The following BANF2 variants were observed in gnomAD, a reference collection of about 807,000 sequenced individuals.
BANF2 encodes the protein BANF family member 2, also known as barrier-to-autointegration factor-like protein.
In BANF2, 4 loss-of-function variants were observed where a neutral mutation model predicts 8.0. The observed-to-expected ratio is 0.50, with a 90% CI of 0.25 to 1.14. BANF2 has a LOEUF of 1.14. Among genes scored for constraint, BANF2 ranks in the 50% most tolerant of loss-of-function variants. The pLI is 0.16. For synonymous variants in BANF2, 50 were observed against 40.6 expected (o/e 1.23, Z -0.88); for missense variants, 96 against 107.5 (o/e 0.89, Z 0.47).
At chr20:17,718,926 C>A (rs1407098470) in intron 1 of BANF2, among the ~76,000 whole-genome samples, 1 of 152,152 alleles carries the variant, frequency 6.6e-6, no homozygotes, top group Non-Finnish European at 1.5e-5. Flanking sequence ...AATACAAGAA[C>A]TTTTACAGGA....
rs1056445509 is a variant in BANF2 at position 17,735,603 on chromosome 20, C to T, written c.127-62C>T. On this transcript the variant is annotated intron_variant, in intron 3 of 3. Coordinates refer to ENST00000246090, the MANE Select transcript of BANF2 (RefSeq NM_178477.5). Reference sequence around the variant, plus strand: ...AGCCCTGGTTGCTGGGAAGGAAGAGCGCGTCTGAGCTGGCTTATGATAACC... The same window carrying T: ...AGCCCTGGTTGCTGGGAAGGAAGAGTGCGTCTGAGCTGGCTTATGATAACC... The T allele has an allele frequency of 9.8e-6, 15 of 1,533,628 alleles. No homozygotes were observed. The African/African-American group carries it at 1.5e-4, about 15-fold the overall frequency.
intron 1 of BANF2, among the ~76,000 whole-genome samples, chr20:17,713,346 C>T (rs1376740526): frequency 2.0e-5 from 3 of 152,110 alleles, no homozygotes; most frequent in Admixed American, 2.0e-4. Context: ...CACCAAAAGA[C>T]AACCCCTGTG....
At chr20:17,730,749 G>A (rs2037882544) in intron 3 of BANF2, among the ~76,000 whole-genome samples, 1 of 152,184 alleles carries the variant, frequency 6.6e-6, no homozygotes, top group Non-Finnish European at 1.5e-5. Context: ...GCCTCTGAAG[G>A]CTCCAACTCC....
intron 3 of BANF2, among the ~76,000 whole-genome samples, chr20:17,733,378 G>A (rs532982468): frequency 6.6e-6 from 1 of 152,326 alleles, no homozygotes; most frequent in South Asian, 2.1e-4. Context: ...GCACGTGGCC[G>A]ACAGAAGTGC....
At chr20:17,717,230 G>A (rs912861051) in intron 1 of BANF2, among the ~76,000 whole-genome samples, 1 of 152,108 alleles carries the variant, frequency 6.6e-6, no homozygotes, top group Non-Finnish European at 1.5e-5. Context: ...CGAAGGCACA[G>A]CAGGCATCCA....
At chr20:17,700,695 C>A (rs1270657993) in intron 1 of BANF2, among the ~76,000 whole-genome samples, 1 of 152,150 alleles carries the variant, frequency 6.6e-6, no homozygotes, top group African/African-American at 2.4e-5. Context: ...GTAGCGGGGA[C>A]AGGGACAGAG....
At chr20:17,726,724 C>A (rs2037814068) in intron 3 of BANF2, among the ~76,000 whole-genome samples, 1 of 152,200 alleles carries the variant, frequency 6.6e-6, no homozygotes, top group South Asian at 2.1e-4. Flanking sequence ...TAGAGGTAAC[C>A]ACTCTTCTGA....
chr20:17,695,806 G>T (rs1418840044), upstream of BANF2, among the ~76,000 whole-genome samples: 1 of 152,070 alleles, frequency 6.6e-6, no homozygotes, highest in Non-Finnish European at 1.5e-5. Context: ...TCATCCCATG[G>T]AGTTACCTGT....
chr20:17,710,568 C>T (rs2037554659), intron 1 of BANF2, among the ~76,000 whole-genome samples: 1 of 152,188 alleles, frequency 6.6e-6, no homozygotes, highest in South Asian at 2.1e-4. Flanking sequence ...GCCTGTGATC[C>T]TTATTCTGTT....
At chr20:17,714,851 C>T (rs1449318732) in intron 1 of BANF2, among the ~76,000 whole-genome samples, 1 of 152,082 alleles carries the variant, frequency 6.6e-6, no homozygotes, top group Non-Finnish European at 1.5e-5. Context: ...CAGTTCAGGC[C>T]AGCATTTGCT....
At chr20:17,732,715 G>A (rs1180938087) in intron 3 of BANF2, among the ~76,000 whole-genome samples, 2 of 152,166 alleles carry the variant, frequency 1.3e-5, no homozygotes, top group East Asian at 1.9e-4. Context: ...CCATGGCCAC[G>A]GCCACTGTCC....
At chr20:17,733,603 A>G (rs1013437168) in intron 3 of BANF2, among the ~76,000 whole-genome samples, 1 of 152,316 alleles carries the variant, frequency 6.6e-6, no homozygotes. Context: ...AACACTTAAT[A>G]AATGTTATTT....
intron 1 of BANF2, among the ~76,000 whole-genome samples, chr20:17,701,024 G>A (rs1259495846): frequency 6.6e-6 from 1 of 152,174 alleles, no homozygotes; most frequent in Admixed American, 6.5e-5. Flanking sequence ...AAGGTAGAAA[G>A]GGAGGTGGTG....
intron 1 of BANF2, among the ~76,000 whole-genome samples, chr20:17,694,475 G>A (rs1003335290): frequency 2.6e-5 from 4 of 152,084 alleles, no homozygotes; most frequent in African/African-American, 9.7e-5. Context: ...TAGTGCTCAT[G>A]AGCAAGGAGT....
At chr20:17,698,476 C>T (rs1049744082), upstream of BANF2, among the ~76,000 whole-genome samples, 3 of 152,228 alleles carry the variant, frequency 2.0e-5, no homozygotes, top group Admixed American at 1.3e-4. Flanking sequence ...TAGGCACCTA[C>T]GGGTGGGTCC....
chr20:17,714,445 C>T (rs1208397176), intron 1 of BANF2, among the ~76,000 whole-genome samples: 1 of 152,216 alleles, frequency 6.6e-6, no homozygotes, highest in Non-Finnish European at 1.5e-5. Context: ...CACTATCAGA[C>T]AAGTATGTCC....
At chr20:17,725,721 A>AT (rs2037799162) in intron 3 of BANF2, among the ~76,000 whole-genome samples, 1 of 152,204 alleles carries the variant, frequency 6.6e-6, no homozygotes, top group Admixed American at 6.5e-5. Flanking sequence ...GGGCCTCAGG[A>AT]GAGGATGAGA....
intron 1 of BANF2, among the ~76,000 whole-genome samples, chr20:17,705,281 T>TA (rs2037466658): frequency 6.6e-6 from 1 of 152,192 alleles, no homozygotes; most frequent in Admixed American, 6.5e-5. Context: ...GTTAGAAAGC[T>TA]AAAAAATTGT....
intron 1 of BANF2, among the ~76,000 whole-genome samples, chr20:17,707,135 G>A (rs1010905314): frequency 6.6e-6 from 1 of 152,062 alleles, no homozygotes; most frequent in Non-Finnish European, 1.5e-5. Context: ...TGTAATCCCA[G>A]CACTTTGGGA....
Sources: gnomAD v4.1 joint callset for allele counts (sites outside exome capture counted in the v4.1 genomes callset) on GRCh38, gnomAD v4.1.1 for gene constraint, MANE v1.5 for transcripts, NCBI Gene and HGNC (gene_info 2026-07-23, HGNC 2026-07-21) for gene names.